CPNE4: variants seen among roughly 807,000 people sequenced by gnomAD.
CPNE4 encodes copine-4.
Under a neutral mutation model 67.9 loss-of-function variants are expected in CPNE4, and 25 were observed. That is an observed-to-expected ratio of 0.37 (90% CI 0.27 to 0.51). The LOEUF (loss-of-function observed/expected upper bound fraction) is 0.51. CPNE4 is among the 20% of genes least tolerant of loss of function. CPNE4 has a pLI of 0.93. For missense variants in CPNE4, 464 were observed against 690.8 expected (o/e 0.67, Z 3.68); for synonymous variants, 242 against 244.9 (o/e 0.99, Z 0.11).
intron 1 of CPNE4, among the ~76,000 whole-genome samples, chr3:131,928,599 C>T (rs2070962605): frequency 6.6e-6 from 1 of 152,176 alleles, no homozygotes; most frequent in South Asian, 2.1e-4. Flanking sequence ...TACCTCCAGA[C>T]CTGACGCTGT....
At chr3:131,691,892 A>G (rs1165854847) in intron 5 of CPNE4, among the ~76,000 whole-genome samples, 2 of 152,160 alleles carry the variant, frequency 1.3e-5, no homozygotes, top group Non-Finnish European at 1.5e-5. Context: ...TCATAGCTTC[A>G]AAACAACAAC....
At chr3:131,976,776 GAT>G (rs1328546913) in intron 1 of CPNE4, among the ~76,000 whole-genome samples, 1 of 151,806 alleles carries the variant, frequency 6.6e-6, no homozygotes, top group East Asian at 1.9e-4. Context: ...ATTAATAAGT[GAT>G]AAAGGAACAA....
chr3:131,583,650 G>A (rs1398751976), intron 8 of CPNE4, among the ~76,000 whole-genome samples: 1 of 152,128 alleles, frequency 6.6e-6, no homozygotes, highest in African/African-American at 2.4e-5. Flanking sequence ...GTCAGGAGAG[G>A]GCTCCAAGGA....
At chr3:131,994,566 C>G (rs754975559) in intron 1 of CPNE4, among the ~76,000 whole-genome samples, 40 of 152,150 alleles carry the variant, frequency 2.6e-4, no homozygotes, top group African/African-American at 8.9e-4. Context: ...TCACTTCCAG[C>G]CCTTCAAAGT....
chr3:131,974,379 A>G (rs1361938556), intron 1 of CPNE4, among the ~76,000 whole-genome samples: 1 of 152,224 alleles, frequency 6.6e-6, no homozygotes, highest in Non-Finnish European at 1.5e-5. Context: ...ACATGTATAT[A>G]CATACAATGT....
At chr3:131,939,297 G>A (rs908854319) in intron 1 of CPNE4, among the ~76,000 whole-genome samples, 1 of 151,980 alleles carries the variant, frequency 6.6e-6, no homozygotes, top group African/African-American at 2.4e-5. Flanking sequence ...GAATAAGGAC[G>A]ACAGTTTGTG....
intron 11 of CPNE4, among the ~76,000 whole-genome samples, chr3:131,559,532 C>A (rs969975639): frequency 6.6e-6 from 1 of 151,812 alleles, no homozygotes; most frequent in Admixed American, 6.6e-5. Context: ...ATCAATTATG[C>A]ACTAGTAATA....
At chr3:131,757,414 G>T (rs1298281451) in intron 2 of CPNE4, among the ~76,000 whole-genome samples, 1 of 152,216 alleles carries the variant, frequency 6.6e-6, no homozygotes, top group African/African-American at 2.4e-5. Flanking sequence ...CTGCCATAGA[G>T]ATTTGTGGAA....
rs952057160 is a variant in CPNE4, at chr3:131,866,352, C to T, written c.180+38912G>A. On this transcript the variant is annotated intron_variant, in intron 2 of 15. Coordinates refer to ENST00000429747, the MANE Select transcript of CPNE4 (RefSeq NM_130808.3). ...ACCACAATGCTAGGGCTGAGGCCTC[C>T]GGGATCCTCTGGGCCTTTTTCATGG... Among the ~76,000 whole-genome samples the T allele has an allele frequency of 1.2e-4, 19 of 152,164 alleles. No homozygotes were observed. In the East Asian group the frequency reaches 2.1e-3, roughly 17 times the overall value.
At chr3:131,850,807 T>C (rs1011615502) in intron 2 of CPNE4, among the ~76,000 whole-genome samples, 3 of 152,034 alleles carry the variant, frequency 2.0e-5, no homozygotes, top group African/African-American at 7.2e-5. Context: ...TTATCCCCAT[T>C]TTGTAGAGTG....
At chr3:131,955,956 T>C (rs2071956180) in intron 1 of CPNE4, among the ~76,000 whole-genome samples, 2 of 152,320 alleles carry the variant, frequency 1.3e-5, no homozygotes, top group Middle Eastern at 3.4e-3. Context: ...AAATCCATTA[T>C]ACCTAGTAGG....
chr3:131,776,513 G>C (rs2083294005), intron 2 of CPNE4, among the ~76,000 whole-genome samples: 1 of 152,058 alleles, frequency 6.6e-6, no homozygotes, highest in African/African-American at 2.4e-5. Context: ...CACCCACAAG[G>C]GATAAGAAGA....
intron 7 of CPNE4, among the ~76,000 whole-genome samples, chr3:131,591,749 A>C (rs930653978): frequency 1.3e-5 from 2 of 152,208 alleles, no homozygotes; most frequent in African/African-American, 4.8e-5. Context: ...GAAACAGACC[A>C]ATAAAAACAC....
chr3:131,727,609 T>A (rs554192684), intron 2 of CPNE4, among the ~76,000 whole-genome samples: 1 of 152,320 alleles, frequency 6.6e-6, no homozygotes, highest in African/African-American at 2.4e-5. Context: ...ATAAACCACA[T>A]CTATTTAAAG....
chr3:131,792,672 C>CACGTGTGTATATATGTAT (rs1560322350), intron 2 of CPNE4, among the ~76,000 whole-genome samples: 1 of 32,856 alleles, frequency 3.0e-5, no homozygotes, highest in Non-Finnish European at 6.1e-5. Context: ...TGTATATATA[C>CACGTGTGTATATATGTAT]ATATATACAC....
chr3:131,943,967 G>C (rs1391959526), intron 1 of CPNE4, among the ~76,000 whole-genome samples: 1 of 152,036 alleles, frequency 6.6e-6, no homozygotes, highest in East Asian at 1.9e-4. Flanking sequence ...TGTTCTCTCT[G>C]TTTTCTCTGC....
At chr3:131,669,627 T>C (rs185684249) in intron 7 of CPNE4, 48 bp downstream of exon 7, 1 of 1,451,872 alleles carries the variant, frequency 6.9e-7, no homozygotes, top group East Asian at 2.3e-5. Flanking sequence ...ATAGGAAGAT[T>C]AAATACTTTT....
chr3:131,968,741 T>A (rs2072425171), intron 1 of CPNE4, among the ~76,000 whole-genome samples: 1 of 152,110 alleles, frequency 6.6e-6, no homozygotes, highest in Admixed American at 6.6e-5. Flanking sequence ...ATAGGAACAC[T>A]TTTTTACACT....
At chr3:131,942,287 CTAACTA>C (rs1306174617) in intron 1 of CPNE4, among the ~76,000 whole-genome samples, 10 of 151,962 alleles carry the variant, frequency 6.6e-5, no homozygotes, top group East Asian at 1.9e-4. Flanking sequence ...AGCATACTAC[CTAACTA>C]TAAGAGCACA....
Sources: allele counts gnomAD v4.1 joint callset (sites outside exome capture counted in the v4.1 genomes callset), GRCh38; gene constraint gnomAD v4.1.1; transcripts MANE v1.5; gene names NCBI Gene and HGNC (gene_info 2026-07-23, HGNC 2026-07-21).